Variants in RNF216 observed in about 807,000 individuals in gnomAD.
RNF216 encodes E3 ubiquitin-protein ligase RNF216.
In RNF216, 72 loss-of-function variants were observed where a neutral mutation model predicts 110.8. That is an observed-to-expected ratio of 0.65 (90% confidence interval 0.54 to 0.79). RNF216 has a LOEUF of 0.79. RNF216 is among the 30% of genes least tolerant of loss of function. The pLI, the probability that RNF216 is intolerant of heterozygous loss-of-function variation, is 0.00. For synonymous variants in RNF216, 495 were observed against 407.5 expected, an observed-to-expected ratio of 1.21 and a Z score of -2.59; for missense variants, 1,342 against 1,141.2, an observed-to-expected ratio of 1.18 and a Z score of -2.54.
intron 13 of RNF216, among the ~76,000 whole-genome samples, chr7:5,667,017 G>A (rs945341325): frequency 6.6e-6 from 1 of 152,044 alleles, no homozygotes; most frequent in Non-Finnish European, 1.5e-5. Flanking sequence ...ATGTTGCTCA[G>A]ACTGGTCTCA....
chr7:5,761,605 G>T (rs1795937823), intron 1 of RNF216, among the ~76,000 whole-genome samples: 1 of 152,160 alleles, frequency 6.6e-6, no homozygotes, highest in Non-Finnish European at 1.5e-5. Flanking sequence ...GACCAACATG[G>T]TGAAATGCCA....
chr7:5,719,518 G>C (rs1469188127), intron 9 of RNF216, among the ~76,000 whole-genome samples: 1 of 152,210 alleles, frequency 6.6e-6, no homozygotes, highest in Non-Finnish European at 1.5e-5. Flanking sequence ...GGTTAAGAGA[G>C]ACTAACTTGA....
intron 13 of RNF216, among the ~76,000 whole-genome samples, chr7:5,681,838 G>A (rs540715672): frequency 1.3e-5 from 2 of 152,312 alleles, no homozygotes; most frequent in South Asian, 4.1e-4. Flanking sequence ...AGAAAAGGAG[G>A]ATAGGAGGTG....
chr7:5,778,199 C>T (rs1796888455), intron 1 of RNF216, among the ~76,000 whole-genome samples: 1 of 152,178 alleles, frequency 6.6e-6, no homozygotes, highest in Non-Finnish European at 1.5e-5. Flanking sequence ...TACCTCATAC[C>T]TTTTCCCCCC....
chr7:5,671,815 A>AAAAG (rs1789935199), intron 13 of RNF216, among the ~76,000 whole-genome samples: 1 of 150,676 alleles, frequency 6.6e-6, no homozygotes, highest in African/African-American at 2.4e-5. Flanking sequence ...CAAAAAAAAA[A>AAAAG]AAAAAAAAAA....
At chr7:5,730,918 T>A (rs1401203964) in intron 5 of RNF216, 101 bp from the exon 6 acceptor site, 1 of 1,496,870 alleles carries the variant, frequency 6.7e-7, no homozygotes, top group Non-Finnish European at 9.1e-7. Flanking sequence ...TAGTCACACA[T>A]TACAACTGGC....
chr7:5,700,509 G>A (rs1791896456), intron 13 of RNF216, among the ~76,000 whole-genome samples: 1 of 152,042 alleles, frequency 6.6e-6, no homozygotes, highest in South Asian at 2.1e-4. Context: ...ATATACAAAG[G>A]AACTTAATAG....
intron 15 of RNF216, among the ~76,000 whole-genome samples, chr7:5,638,138 C>G (rs1187337900): frequency 2.0e-5 from 3 of 152,288 alleles, no homozygotes; most frequent in Admixed American, 6.5e-5. Flanking sequence ...ACCACCTGCC[C>G]CTGTGGTAAC....
chr7:5,725,878 ATAAAT>A (rs1182196152), intron 7 of RNF216, among the ~76,000 whole-genome samples: 1 of 151,636 alleles, frequency 6.6e-6, no homozygotes, highest in Admixed American at 6.6e-5. Flanking sequence ...CAGTGGTAAA[ATAAAT>A]AGGCAGCATT....
At chr7:5,747,746 CAAAAAAAAAAAAAAA>C (rs1207043505) in intron 3 of RNF216, among the ~76,000 whole-genome samples, 2 of 7,030 alleles carry the variant, frequency 2.8e-4, no homozygotes, top group African/African-American at 1.1e-3. Context: ...GACTCCATCT[CAAAAAAAAAAAAAAA>C]AAAAAAAAAA....
intron 1 of RNF216, among the ~76,000 whole-genome samples, chr7:5,776,331 C>G (rs1340312243): frequency 2.0e-5 from 3 of 151,858 alleles, no homozygotes; most frequent in African/African-American, 7.3e-5. Flanking sequence ...AGCCTGTAAT[C>G]CCAGCACTTT....
rs192241635 is a variant in RNF216 at position 5,659,834 on chromosome 7, G to A, written c.2062-7324C>T. ...GGGCAGGAAAGGCTAACCTGCGATG[G>A]GGCAATAGCAGCACACCTGTACTTT... On this transcript the variant is annotated intron_variant, in intron 13 of 16. Transcript: ENST00000389902. Among the ~76,000 whole-genome samples, 4 of 152,252 alleles carry A rather than the reference G, an allele frequency of 2.6e-5. No individual in the cohort carries two copies. In the East Asian group the frequency reaches 7.7e-4, roughly 29 times the overall value.
chr7:5,749,439 C>G (rs779080822), intron 3 of RNF216, among the ~76,000 whole-genome samples: 14 of 152,202 alleles, frequency 9.2e-5, no homozygotes, highest in Non-Finnish European at 1.0e-4. Context: ...GCGTGAGCCA[C>G]CACGTCGGGC....
At chr7:5,764,553 C>T (rs10272237) in intron 1 of RNF216, among the ~76,000 whole-genome samples, 1 of 151,400 alleles carries the variant, frequency 6.6e-6, no homozygotes, top group East Asian at 1.9e-4. Context: ...GAGGTTGAGG[C>T]GAGAGAATCG....
At chr7:5,667,995 C>T (rs765649698) in intron 13 of RNF216, among the ~76,000 whole-genome samples, 1 of 152,108 alleles carries the variant, frequency 6.6e-6, no homozygotes, top group East Asian at 1.9e-4. Context: ...GGTAACTTCG[C>T]GTTGGTATTT....
At chr7:5,674,334 T>C (rs2128598801) in intron 13 of RNF216, among the ~76,000 whole-genome samples, 1 of 152,076 alleles carries the variant, frequency 6.6e-6, no homozygotes, top group Admixed American at 6.6e-5. Context: ...AATTTTCAAA[T>C]TTTTAGTACA....
At chr7:5,642,517 T>A (rs148748760) in intron 14 of RNF216, among the ~76,000 whole-genome samples, 1 of 148,680 alleles carries the variant, frequency 6.7e-6, no homozygotes, top group South Asian at 2.1e-4. Context: ...GCCTGGCCTA[T>A]TTTTTTTGAG....
At chr7:5,658,718 G>T (rs1272795003) in intron 13 of RNF216, among the ~76,000 whole-genome samples, 3 of 150,878 alleles carry the variant, frequency 2.0e-5, no homozygotes, top group Non-Finnish European at 4.4e-5. Flanking sequence ...TTTAAAGTAT[G>T]ATTTATTTCA....
chr7:5,746,950 A>T (rs1218258257), intron 3 of RNF216, among the ~76,000 whole-genome samples: 1 of 152,226 alleles, frequency 6.6e-6, no homozygotes, highest in Non-Finnish European at 1.5e-5. Context: ...GAATTCTAAA[A>T]TAGCTTTTTT....
Sources: gnomAD v4.1 joint callset for allele counts (sites outside exome capture counted in the v4.1 genomes callset) on GRCh38, gnomAD v4.1.1 for gene constraint, MANE v1.5 for transcripts, NCBI Gene and HGNC (gene_info 2026-07-23, HGNC 2026-07-21) for gene names.